ANGPT2: variants seen among roughly 807,000 people sequenced by gnomAD.
The protein encoded by ANGPT2 is angiopoietin-2.
In ANGPT2, 28 loss-of-function variants were observed where a neutral mutation model predicts 62.9. That is an observed-to-expected ratio of 0.44 (90% CI 0.33 to 0.61). The LOEUF is 0.61. ANGPT2 is among the 20% of genes least tolerant of loss of function. The probability of loss-of-function intolerance (pLI) is 0.03; values close to 1 mark genes in which losing one functional copy is unlikely to be tolerated. For missense variants in ANGPT2, 727 were observed against 594.9 expected (o/e 1.22, Z -2.31); for synonymous variants, 284 against 207.8 (o/e 1.37, Z -3.15).
intron 1 of ANGPT2, among the ~76,000 whole-genome samples, chr8:6,547,018 G>A (rs1396166236): frequency 6.6e-6 from 1 of 152,146 alleles, no homozygotes; most frequent in Admixed American, 6.5e-5. Context: ...TACCTCGGAA[G>A]AAGCGTTCTC....
chr8:6,547,390 A>G (rs959039291), intron 1 of ANGPT2, among the ~76,000 whole-genome samples: 4 of 152,022 alleles, frequency 2.6e-5, no homozygotes, highest in Non-Finnish European at 5.9e-5. Flanking sequence ...GTCTCTTGCA[A>G]TGGAAGCTAG....
At chr8:6,536,158 G>A (rs1034867473) in intron 1 of ANGPT2, among the ~76,000 whole-genome samples, 1 of 152,146 alleles carries the variant, frequency 6.6e-6, no homozygotes, top group Non-Finnish European at 1.5e-5. Flanking sequence ...GTGACAGTCA[G>A]GTACTCTTTA....
intron 1 of ANGPT2, among the ~76,000 whole-genome samples, chr8:6,533,608 G>A (rs1232888004): frequency 1.5e-5 from 2 of 136,414 alleles, no homozygotes; most frequent in African/African-American, 5.4e-5. Context: ...ATCTAATGAT[G>A]GGAACCATTC....
chr8:6,540,438 C>G (rs1198492221), intron 1 of ANGPT2, among the ~76,000 whole-genome samples: 1 of 152,144 alleles, frequency 6.6e-6, no homozygotes, highest in Non-Finnish European at 1.5e-5. Flanking sequence ...CAAAAGGTGT[C>G]ACATTTTACA....
intron 1 of ANGPT2, among the ~76,000 whole-genome samples, chr8:6,541,361 G>A (rs547703130): frequency 2.4e-4 from 37 of 152,190 alleles, no homozygotes; most frequent in Non-Finnish European, 3.5e-4. Context: ...TCGGGGCCAC[G>A]TGGAAGGGGA....
chr8:6,508,628 T>C, intron 8 of ANGPT2: 1 of 562,726 alleles, frequency 1.8e-6, no homozygotes, highest in Non-Finnish European at 3.1e-6. Flanking sequence ...ACCATCTCTC[T>C]AGTATCCAGC....
chr8:6,514,854 T>G, intron 5 of ANGPT2, 76 bp from the exon 6 acceptor site: 1 of 1,302,590 alleles, frequency 7.7e-7, no homozygotes, highest in South Asian at 1.2e-5. Context: ...AGGAGGAATG[T>G]AGACCCTGAG....
intron 1 of ANGPT2, 86 bp from the exon 2 acceptor site, chr8:6,532,573 T>TA (rs1427394273): frequency 1.7e-5 from 13 of 758,352 alleles, no homozygotes; most frequent in Non-Finnish European, 2.0e-5. Flanking sequence ...CTCCCTATCT[T>TA]TAAAAAAAAA....
chr8:6,529,417 G>C (rs1033641600), intron 2 of ANGPT2, among the ~76,000 whole-genome samples: 2 of 150,156 alleles, frequency 1.3e-5, no homozygotes, highest in African/African-American at 4.9e-5. Context: ...ACATAATTCA[G>C]TTTCTTTGCG....
intron 1 of ANGPT2, among the ~76,000 whole-genome samples, chr8:6,554,549 A>G (rs1824252602): frequency 6.6e-6 from 1 of 152,250 alleles, no homozygotes; most frequent in Admixed American, 6.5e-5. Context: ...TTTACATGAC[A>G]GGTAATTTTT....
intron 3 of ANGPT2, among the ~76,000 whole-genome samples, chr8:6,525,338 A>C (rs1335933712): frequency 6.6e-6 from 1 of 152,124 alleles, no homozygotes; most frequent in Non-Finnish European, 1.5e-5. Flanking sequence ...CAAGCGATCC[A>C]CCTGCCTCAG....
At chr8:6,512,438 T>G (rs1459723737) in intron 7 of ANGPT2, among the ~76,000 whole-genome samples, 1 of 152,160 alleles carries the variant, frequency 6.6e-6, no homozygotes, top group African/African-American at 2.4e-5. Flanking sequence ...ATGACTGTTT[T>G]TGTGATGTTC....
At chr8:6,517,326 G>T (rs1816454321) in intron 5 of ANGPT2, among the ~76,000 whole-genome samples, 1 of 152,178 alleles carries the variant, frequency 6.6e-6, no homozygotes, top group African/African-American at 2.4e-5. Context: ...CTTCAACTCT[G>T]AGGCAATGAT....
chr8:6,526,667 C>T (rs1403690421), intron 3 of ANGPT2, among the ~76,000 whole-genome samples: 2 of 152,010 alleles, frequency 1.3e-5, no homozygotes, highest in African/African-American at 4.8e-5. Context: ...CAGTAAAGAA[C>T]AATTATTGAA....
In ANGPT2 at chr8:6,506,982, C is replaced by G. The variant is rs577802113; in HGVS notation, c.1327+1950G>C. Among the ~76,000 whole-genome samples, 17 of 152,132 alleles carry G rather than the reference C, an allele frequency of 1.1e-4. No homozygotes were observed. The South Asian group carries it at 2.9e-3, about 26-fold the overall frequency. On this transcript the variant is annotated intron_variant, in intron 8 of 8. Coordinates refer to ENST00000629816, the MANE Select transcript of ANGPT2 (RefSeq NM_001118887.2). ...GTGCGATCTCGGCTCATTGCAAACT[C>G]TGTCTCCCCGGTTCAAGAGATTTTC...
At position 6,503,091 on chromosome 8, in the gene ANGPT2, A is replaced by C; in HGVS notation, c.*10T>G. The C allele has an allele frequency of 6.2e-7, 1 of 1,614,104 alleles. No individual in the cohort carries two copies. Among genetic ancestry groups the C allele is most frequent in the African/African-American group, 1.3e-5 (1 of 75,052 alleles). ...TAGTTCGAGACAGTTCCTCAGGTGGACTGGGATGTTTAGAAATCTGCTGGT... is the reference window on the plus strand; with the variant it reads ...TAGTTCGAGACAGTTCCTCAGGTGGCCTGGGATGTTTAGAAATCTGCTGGT... On this transcript the variant is annotated 3_prime_UTR_variant, in exon 9 of 9. Transcript: ENST00000629816.
intron 1 of ANGPT2, among the ~76,000 whole-genome samples, chr8:6,552,412 T>C (rs1008757534): frequency 1.3e-5 from 2 of 152,190 alleles, no homozygotes; most frequent in African/African-American, 4.8e-5. Context: ...CACACACACT[T>C]ACGATGGTCC....
intron 2 of ANGPT2, 41 bp from the exon 3 acceptor site, chr8:6,527,717 ATTAGT>A: frequency 6.5e-7 from 1 of 1,541,902 alleles, no homozygotes; most frequent in Non-Finnish European, 8.8e-7. Context: ...TTATTTTTTA[ATTAGT>A]TTAACTTTCT....
At chr8:6,560,579 G>A (rs1586628477) in intron 1 of ANGPT2, among the ~76,000 whole-genome samples, 2 of 152,304 alleles carry the variant, frequency 1.3e-5, no homozygotes, top group South Asian at 4.1e-4. Context: ...TGGGAGAACA[G>A]GTGTGGAGCC....
Sources: allele counts gnomAD v4.1 joint callset (sites outside exome capture counted in the v4.1 genomes callset), GRCh38; gene constraint gnomAD v4.1.1; transcripts MANE v1.5; gene names NCBI Gene and HGNC (gene_info 2026-07-23, HGNC 2026-07-21).